Variants in UGT1A6 observed in about 807,000 individuals in gnomAD.
The protein encoded by UGT1A6 is UDP glucuronosyltransferase family 1 member A6, also known as UDP-glucuronosyltransferase 1A6.
UGT1A6 carries 32 observed loss-of-function variants against 44.4 expected under a neutral mutation model. The observed-to-expected ratio is 0.72, with a 90% confidence interval of 0.54 to 0.97. The LOEUF (loss-of-function observed/expected upper bound fraction) is 0.97, where lower values mean the gene tolerates loss of function less well. Ranked by LOEUF, UGT1A6 falls within the 50% of genes least tolerant of loss-of-function variation. The probability of loss-of-function intolerance (pLI) is 0.00; values close to 1 mark genes in which losing one functional copy is unlikely to be tolerated. For missense variants in UGT1A6, 685 were observed against 661.9 expected (o/e 1.03, Z -0.38); for synonymous variants, 238 against 248.5 (o/e 0.96, Z 0.40).
chr2:233,733,096 G>A (rs2078355938), intron 1 of UGT1A6, among the ~76,000 whole-genome samples: 1 of 152,018 alleles, frequency 6.6e-6, no homozygotes, highest in Non-Finnish European at 1.5e-5. Flanking sequence ...TTCACTCATG[G>A]TTTGGCTCTG....
intron 1 of UGT1A6, among the ~76,000 whole-genome samples, chr2:233,695,422 C>CCTT (rs34487948): frequency 1.3e-3 from 197 of 151,064 alleles, no homozygotes; most frequent in African/African-American, 4.5e-3. Flanking sequence ...CCGCGCCCGG[C>CCTT]CTTCTTCTTC....
chr2:233,738,895 GCAGA>G (rs1690931559), intron 1 of UGT1A6: 1 of 152,264 alleles, frequency 6.6e-6, no homozygotes, highest in Admixed American at 6.5e-5. Context: ...GACCTTTGCA[GCAGA>G]CCCTCCCATC....
Position 233,772,527 on chromosome 2 carries a change from G to C in UGT1A6, c.1567G>C (p.Val523Leu), listed in dbSNP as rs769084242. The part of the protein sequence containing the change: ...YRKCLGKKGR[V>L]KKAHKSKTH ...GAAATGCTTGGGGAAAAAAGGGCGA[G>C]TTAAGAAAGCCCACAAATCCAAGAC... Residue 523 changes from valine to leucine, a missense_variant, in exon 5 of 5, where the codon GTT (valine) becomes CTT (leucine). Physicochemically the swap from Val to Leu is conservative, Grantham distance 32 (BLOSUM62 1). Coordinates refer to ENST00000305139, the MANE Select transcript of UGT1A6 (RefSeq NM_001072.4). The C allele has an allele frequency of 1.9e-6, 3 of 1,614,046 alleles. No homozygotes were observed. The highest frequency in any genetic ancestry group is 1.6e-4 in the Middle Eastern group (1 of 6,084).
chr2:233,743,980 GGC>G, intron 1 of UGT1A6: 1 of 1,302,864 alleles, frequency 7.7e-7, no homozygotes, highest in South Asian at 1.3e-5. Context: ...CCAGCACCCA[GGC>G]GCAGGCCCGA....
At chr2:233,730,554 A>G (rs1442636181) in intron 1 of UGT1A6, among the ~76,000 whole-genome samples, 1 of 152,192 alleles carries the variant, frequency 6.6e-6, no homozygotes, top group Non-Finnish European at 1.5e-5. Context: ...CTGTGATTAG[A>G]GAATGACACA....
At chr2:233,719,054 A>G (rs1258988641) in intron 1 of UGT1A6, 3 of 1,614,260 alleles carry the variant, frequency 1.9e-6, no homozygotes, top group Non-Finnish European at 2.5e-6. Flanking sequence ...TCACCCTGAC[A>G]GCCTATGCTG....
intron 1 of UGT1A6, chr2:233,741,799 G>A (rs1253457401): frequency 3.3e-5 from 5 of 151,906 alleles, no homozygotes; most frequent in African/African-American, 1.2e-4. Flanking sequence ...TTACCAGCAT[G>A]CTGCTCTTAA....
intron 1 of UGT1A6, among the ~76,000 whole-genome samples, chr2:233,697,572 AT>A (rs2075399360): frequency 7.4e-6 from 1 of 134,904 alleles, no homozygotes; most frequent in Non-Finnish European, 1.6e-5. Flanking sequence ...AATTTAATTT[AT>A]TTTTTCCCTG....
In UGT1A6 at chr2:233,747,934, G is replaced by A. The variant is rs544310415; in HGVS notation, c.862-19100G>A. The A allele has an allele frequency of 2.5e-6, 4 of 1,613,444 alleles. No individual in the cohort carries two copies. In the South Asian group the frequency reaches 3.3e-5, roughly 13 times the overall value. ...AGCCTTGCCTCTGAGCTTTTTCAGAGGGAGGTGTCAGTGGTGGATCTTCTC... is the reference window on the plus strand; with the variant it reads ...AGCCTTGCCTCTGAGCTTTTTCAGAAGGAGGTGTCAGTGGTGGATCTTCTC... On this transcript the variant is annotated intron_variant, in intron 1 of 4. Coordinates refer to ENST00000305139, the MANE Select transcript of UGT1A6 (RefSeq NM_001072.4).
rs557278496 is a variant in UGT1A6, at chr2:233,723,289, A to T, written c.861+29424A>T. On this transcript the variant is annotated intron_variant, in intron 1 of 4. Coordinates refer to ENST00000305139, the MANE Select transcript of UGT1A6 (RefSeq NM_001072.4). ...CAATGGCACGATGTTGGCTCACTGC[A>T]ACCTCTGCCTCCCAGGTTCAAGCAA... 6.7e-4 allele frequency among the ~76,000 whole-genome samples: 77 copies of T among 114,264 alleles called. 5 individuals carry two copies. The highest frequency in any genetic ancestry group is 9.8e-4 in the Non-Finnish European group (58 of 58,990). The allele number at this position is 114,264 out of a possible 152,430, so 75.0% of individuals were successfully genotyped here.
rs868688696 is a variant in UGT1A6, at chr2:233,693,209, G to A, written c.205G>A (p.Glu69Lys). Residue 69 changes from glutamate (E) to lysine (K), a missense_variant, in exon 1 of 5, where the codon GAA becomes AAA. By Grantham distance (56) the Glu-to-Lys change is moderately conservative. Transcript: ENST00000305139. ...GCCTGAAGTTAATTTGCTTTTGAAAGAATCCAAATACTACACAAGAAAAAT... is the reference window on the plus strand; with the variant it reads ...GCCTGAAGTTAATTTGCTTTTGAAAAAATCCAAATACTACACAAGAAAAAT... ...VVPEVNLLLK[E>K]SKYYTRKIYP... The A allele has an allele frequency of 6.2e-7, 1 of 1,614,180 alleles. No individual in the cohort carries two copies. The highest frequency in any genetic ancestry group is 1.1e-5 in the South Asian group (1 of 91,084).
At chr2:233,737,545 T>C (rs1322840903) in intron 1 of UGT1A6, among the ~76,000 whole-genome samples, 2 of 152,172 alleles carry the variant, frequency 1.3e-5, no homozygotes. Context: ...TGCTTCGGCT[T>C]GCCCTCAGTG....
At chr2:233,760,686 C>T in intron 1 of UGT1A6, 1 of 1,614,220 alleles carries the variant, frequency 6.2e-7, no homozygotes, top group African/African-American at 1.3e-5. Flanking sequence ...TACTGCACAA[C>T]AAGGAGCTCA....
At chr2:233,715,294 C>T (rs2076444307) in intron 1 of UGT1A6, among the ~76,000 whole-genome samples, 1 of 152,122 alleles carries the variant, frequency 6.6e-6, no homozygotes, top group South Asian at 2.1e-4. Context: ...TATATTTTGG[C>T]TCTTGAATAG....
chr2:233,769,226 G>A lies in UGT1A6; in HGVS notation c.1301+787G>A, dbSNP rs934586436. Among the ~76,000 whole-genome samples, 1 of 152,190 alleles carries A rather than the reference G, an allele frequency of 6.6e-6. No individual in the cohort carries two copies. The highest frequency in any genetic ancestry group is 2.4e-5 in the African/African-American group (1 of 41,452). On this transcript the variant is annotated intron_variant, in intron 4 of 4. Transcript: ENST00000305139. The surrounding 1 kb of genome is among the most constrained non-coding windows in gnomAD (Gnocchi z 4.4). ...TCACAGACAAAGTCTTAGAATAAGA[G>A]CAAAGGAAAATTTGCTCAAATGTGG...
intron 1 of UGT1A6, chr2:233,718,132 G>GTGGTCGCCGT: frequency 4.2e-6 from 1 of 238,638 alleles, no homozygotes; most frequent in Non-Finnish European, 8.7e-6. Flanking sequence ...GGTGTAGATG[G>GTGGTCGCCGT]AGAATCCTCA....
intron 1 of UGT1A6, among the ~76,000 whole-genome samples, chr2:233,725,222 G>C (rs2077398090): frequency 1.1e-5 from 1 of 89,832 alleles, no homozygotes; most frequent in African/African-American, 7.8e-5. Context: ...AGGCAGAGGA[G>C]GCAGAGGCAG....
rs368860136 is a variant in UGT1A6 at position 233,772,310 on chromosome 2, G to C, written c.1350G>C (p.Pro450=). 4.6e-5 allele frequency: 74 copies of C among 1,614,210 alleles called. 1 individual carries two copies. The South Asian group carries it at 7.0e-4, about 15-fold the overall frequency. The part of the protein sequence containing the change: ...MRLSSLHKDR[P]VEPLDLAVFW... Reference sequence around the variant, plus strand: ...TCTCCAGCCTTCACAAGGACCGCCCGGTGGAGCCGCTGGACCTGGCCGTGT... The same window carrying C: ...TCTCCAGCCTTCACAAGGACCGCCCCGTGGAGCCGCTGGACCTGGCCGTGT... The change falls in exon 5 of 5, where the codon CCG becomes CCC. Residue 450 remains proline, a synonymous_variant. Transcript: ENST00000305139.
At chr2:233,729,519 A>G in intron 1 of UGT1A6, 1 of 1,614,214 alleles carries the variant, frequency 6.2e-7, no homozygotes, top group Middle Eastern at 1.6e-4. Context: ...GTGTGGAGCT[A>G]CTACATAATG....
Sources: gnomAD v4.1 joint callset for allele counts (sites outside exome capture counted in the v4.1 genomes callset) on GRCh38, gnomAD v4.1.1 for gene constraint, Gnocchi (gnomAD v3.1) non-coding constraint, MANE v1.5 for transcripts, NCBI Gene and HGNC (gene_info 2026-07-23, HGNC 2026-07-21) for gene names.